LRFN5: variants seen among roughly 807,000 people sequenced by gnomAD.
LRFN5 encodes leucine rich repeat and fibronectin type III domain containing 5.
Under a neutral mutation model 45.6 loss-of-function variants are expected in LRFN5, and 24 were observed. The observed-to-expected ratio is 0.53, with a 90% CI of 0.38 to 0.74. The LOEUF (loss-of-function observed/expected upper bound fraction) is 0.74. Ranked by LOEUF, LRFN5 falls within the 30% of genes least tolerant of loss-of-function variation. The probability of loss-of-function intolerance (pLI) is 0.00; values close to 1 mark genes in which losing one functional copy is unlikely to be tolerated. For synonymous variants in LRFN5, 340 were observed against 313.8 expected (o/e 1.08, Z -0.88); for missense variants, 776 against 861.5 (o/e 0.90, Z 1.24).
intron 2 of LRFN5, among the ~76,000 whole-genome samples, chr14:41,857,615 C>A (rs1889516048): frequency 6.6e-6 from 1 of 152,178 alleles, no homozygotes; most frequent in African/African-American, 2.4e-5. Context: ...ACATACTAAA[C>A]ACTGTGGTCG....
At chr14:41,752,261 A>G (rs1004627653) in intron 1 of LRFN5, among the ~76,000 whole-genome samples, 11 of 152,150 alleles carry the variant, frequency 7.2e-5, no homozygotes, top group Admixed American at 1.3e-4. Context: ...ATGTTTTATA[A>G]TCCTTTGAGT....
At chr14:41,793,695 C>T (rs1887016957) in intron 2 of LRFN5, among the ~76,000 whole-genome samples, 1 of 146,802 alleles carries the variant, frequency 6.8e-6, no homozygotes, top group Admixed American at 6.9e-5. Context: ...TTATCCTACT[C>T]CTAAGAAAAA....
At chr14:41,778,443 G>A (rs1282184789) in intron 2 of LRFN5, among the ~76,000 whole-genome samples, 2 of 151,454 alleles carry the variant, frequency 1.3e-5, no homozygotes, top group African/African-American at 2.4e-5. Context: ...AAATTTCTTG[G>A]TTTTCTTTCC....
intron 2 of LRFN5, among the ~76,000 whole-genome samples, chr14:41,800,891 G>A (rs1369199867): frequency 6.6e-6 from 1 of 151,842 alleles, no homozygotes; most frequent in African/African-American, 2.4e-5. Context: ...AGAGAGCAGG[G>A]CCATCAAGAA....
At chr14:41,689,980 A>C (rs1196848261) in intron 1 of LRFN5, among the ~76,000 whole-genome samples, 1 of 152,036 alleles carries the variant, frequency 6.6e-6, no homozygotes, top group Non-Finnish European at 1.5e-5. Flanking sequence ...AAAACATTGA[A>C]AGAATTATGA....
In LRFN5 at chr14:41,811,054, G is replaced by A. The variant is rs548885092; in HGVS notation, c.-21+44025G>A. Among the ~76,000 whole-genome samples, 23 of 152,070 alleles carry A rather than the reference G, an allele frequency of 1.5e-4. No homozygotes were observed. The South Asian group carries it at 4.8e-3, about 32-fold the overall frequency. ...TTTTCCTGAGGATGAGCATAATATGGACAGTAAGGGCTTAATAATAAAAAG... is the reference window on the plus strand; with the variant it reads ...TTTTCCTGAGGATGAGCATAATATGAACAGTAAGGGCTTAATAATAAAAAG... On this transcript the variant is annotated intron_variant, in intron 2 of 5. Coordinates refer to ENST00000298119, the MANE Select transcript of LRFN5 (RefSeq NM_152447.5).
In LRFN5 at chr14:41,904,490, A is replaced by G. The variant is rs2139187394; in HGVS notation, c.*315A>G. 3.5e-6 allele frequency: 1 copy of G among 287,524 alleles called. No individual in the cohort carries two copies. Among genetic ancestry groups the G allele is most frequent in the African/African-American group, 2.2e-5 (1 of 45,976 alleles). The allele number at this position is 287,524 out of a possible 1,614,324, so 17.8% of individuals were successfully genotyped here. A position where few individuals can be genotyped will look rare whatever the true frequency, so the allele number is the denominator to read the frequency against. Reference sequence around the variant, plus strand: ...TACATTGCCATCCATGATTTAACAGACTGTAGAATCTTGAATAATCTATAT... The same window carrying G: ...TACATTGCCATCCATGATTTAACAGGCTGTAGAATCTTGAATAATCTATAT... On this transcript the variant is annotated 3_prime_UTR_variant, in exon 6 of 6. Coordinates refer to ENST00000298119, the MANE Select transcript of LRFN5 (RefSeq NM_152447.5).
chr14:41,765,917 T>C (rs1885867067), intron 1 of LRFN5, among the ~76,000 whole-genome samples: 1 of 152,146 alleles, frequency 6.6e-6, no homozygotes, highest in African/African-American at 2.4e-5. Flanking sequence ...GACAATATAA[T>C]CACTTCTTTA....
In LRFN5 at chr14:41,752,418, C is replaced by T. The variant is rs1487919546; in HGVS notation, c.-196-14436C>T. 5.3e-5 allele frequency among the ~76,000 whole-genome samples: 8 copies of T among 152,168 alleles called. No individual in the cohort carries two copies. In the East Asian group the frequency reaches 1.5e-3, roughly 29 times the overall value. ...TGTTCCTATGTCTCCACATCCTCTC[C>T]AGTACCTGTTGTTTCCTGACTTTTT... On this transcript the variant is annotated intron_variant, in intron 1 of 5. Transcript: ENST00000298119.
rs559736352 is a variant in LRFN5 at position 41,664,712 on chromosome 14, A to C, written c.-197+56150A>C. 2.2e-4 allele frequency among the ~76,000 whole-genome samples: 33 copies of C among 152,100 alleles called. No individual in the cohort carries two copies. In the South Asian group the frequency reaches 5.2e-3, roughly 24 times the overall value. On this transcript the variant is annotated intron_variant, in intron 1 of 5. Coordinates refer to ENST00000298119, the MANE Select transcript of LRFN5 (RefSeq NM_152447.5). ...ATTTCCTCTCTAATCCAATGACATA[A>C]ACAAAAAAAAGTGGCAAAAAATTAT... is the stretch of plus-strand genomic sequence containing the variant.
chr14:41,793,357 T>C (rs1161434583), intron 2 of LRFN5, among the ~76,000 whole-genome samples: 6 of 152,046 alleles, frequency 3.9e-5, no homozygotes, highest in African/African-American at 1.4e-4. Flanking sequence ...CACTCTGACA[T>C]ACCAAAGTCC....
intron 2 of LRFN5, among the ~76,000 whole-genome samples, chr14:41,857,929 G>A (rs1889528802): frequency 6.6e-6 from 1 of 152,238 alleles, no homozygotes; most frequent in East Asian, 1.9e-4. Flanking sequence ...GAAATGATTG[G>A]GCAAAGATTA....
intron 2 of LRFN5, among the ~76,000 whole-genome samples, chr14:41,847,065 A>G (rs1282400914): frequency 6.6e-6 from 1 of 152,156 alleles, no homozygotes; most frequent in Admixed American, 6.6e-5. Context: ...CATGATATTA[A>G]CCTTCAAGAT....
intron 2 of LRFN5, among the ~76,000 whole-genome samples, chr14:41,873,794 T>G (rs924828939): frequency 3.9e-5 from 6 of 152,184 alleles, no homozygotes; most frequent in Non-Finnish European, 8.8e-5. Flanking sequence ...TCATTCTTTC[T>G]GCATTGCTTT....
At chr14:41,692,866 A>G (rs1200718232) in intron 1 of LRFN5, among the ~76,000 whole-genome samples, 1 of 151,998 alleles carries the variant, frequency 6.6e-6, no homozygotes, top group African/African-American at 2.4e-5. Context: ...TTATCATTGT[A>G]GCTTTCATGT....
intron 2 of LRFN5, among the ~76,000 whole-genome samples, chr14:41,844,605 T>G (rs1888995533): frequency 6.6e-6 from 1 of 152,182 alleles, no homozygotes; most frequent in African/African-American, 2.4e-5. Flanking sequence ...ACACTGACAC[T>G]GATTTCTAAT....
At chr14:41,794,256 A>G (rs1272143275) in intron 2 of LRFN5, among the ~76,000 whole-genome samples, 2 of 152,038 alleles carry the variant, frequency 1.3e-5, no homozygotes, top group East Asian at 3.9e-4. Context: ...ATGCTTTGTA[A>G]TAATACTAAA....
At chr14:41,624,695 G>A (rs1468920871) in intron 1 of LRFN5, among the ~76,000 whole-genome samples, 2 of 152,060 alleles carry the variant, frequency 1.3e-5, no homozygotes, top group Non-Finnish European at 2.9e-5. Flanking sequence ...AACCTTAATT[G>A]AAGTGCAGAA....
At chr14:41,795,794 G>A (rs1177102355) in intron 2 of LRFN5, among the ~76,000 whole-genome samples, 1 of 151,844 alleles carries the variant, frequency 6.6e-6, no homozygotes, top group Non-Finnish European at 1.5e-5. Flanking sequence ...GGGGAGGGGG[G>A]AGGAATAGCA....
Sources: gnomAD v4.1 joint callset for allele counts (sites outside exome capture counted in the v4.1 genomes callset) on GRCh38, gnomAD v4.1.1 for gene constraint, MANE v1.5 for transcripts, NCBI Gene and HGNC (gene_info 2026-07-23, HGNC 2026-07-21) for gene names.